CDH4: variants seen among roughly 807,000 people sequenced by gnomAD.
The protein encoded by CDH4 is cadherin 4.
A neutral mutation model predicts 86.0 loss-of-function variants in CDH4; 33 were observed. That is an observed-to-expected ratio of 0.38 (90% CI 0.29 to 0.51). CDH4 has a LOEUF of 0.51. Ranked by LOEUF, CDH4 falls within the 20% of genes least tolerant of loss-of-function variation. The pLI is 0.86. For synonymous variants in CDH4, 555 were observed against 549.4 expected (o/e 1.01, Z -0.14); for missense variants, 1,114 against 1,307.4 (o/e 0.85, Z 2.28).
At chr20:61,922,121 T>C (rs1045400377) in intron 9 of CDH4, among the ~76,000 whole-genome samples, 3 of 152,238 alleles carry the variant, frequency 2.0e-5, no homozygotes, top group Non-Finnish European at 4.4e-5. Flanking sequence ...TGATGGATGT[T>C]TGGGTCATTT....
chr20:61,933,287 G>A (rs1456191449), intron 14 of CDH4, among the ~76,000 whole-genome samples, 163 bp downstream of exon 14: 2 of 152,248 alleles, frequency 1.3e-5, no homozygotes, highest in African/African-American at 4.8e-5. Context: ...GGGCTGAGCT[G>A]TGTACACTGC....
chr20:61,492,711 C>G (rs2085635302), intron 2 of CDH4, among the ~76,000 whole-genome samples: 1 of 151,932 alleles, frequency 6.6e-6, no homozygotes, highest in Admixed American at 6.6e-5. Context: ...GGGGTGGGGG[C>G]CAGGCATATA....
chr20:61,770,582 G>A (rs575100833), intron 3 of CDH4, among the ~76,000 whole-genome samples: 65 of 152,216 alleles, frequency 4.3e-4, no homozygotes, highest in Non-Finnish European at 7.2e-4. Flanking sequence ...GCACTATCAC[G>A]TTTAGGAAAC....
intron 2 of CDH4, among the ~76,000 whole-genome samples, chr20:61,290,931 GC>G (rs371634760): frequency 3.7e-4 from 57 of 152,300 alleles, no homozygotes; most frequent in African/African-American, 1.4e-3. Context: ...GTTATCAAGA[GC>G]CTGTATCTTT....
intron 2 of CDH4, among the ~76,000 whole-genome samples, chr20:61,660,335 A>T (rs1233431469): frequency 6.6e-6 from 1 of 152,238 alleles, no homozygotes; most frequent in Non-Finnish European, 1.5e-5. Context: ...AGAGTGTTTA[A>T]TAACTATAAT....
intron 2 of CDH4, among the ~76,000 whole-genome samples, chr20:61,395,755 G>A (rs145143240): frequency 2.5e-3 from 376 of 152,276 alleles, no homozygotes; most frequent in African/African-American, 8.7e-3. Flanking sequence ...ATTCCAGCCC[G>A]GGAAACAGGG....
At chr20:61,485,798 G>C (rs1489501518) in intron 2 of CDH4, among the ~76,000 whole-genome samples, 1 of 152,232 alleles carries the variant, frequency 6.6e-6, no homozygotes, top group Non-Finnish European at 1.5e-5. Flanking sequence ...GTTTCTCTCA[G>C]CACTTGCCCC....
intron 2 of CDH4, among the ~76,000 whole-genome samples, chr20:61,444,895 A>T (rs2145538821): frequency 7.0e-6 from 1 of 142,178 alleles, no homozygotes; most frequent in East Asian, 2.2e-4. Flanking sequence ...GTCTGTGTAT[A>T]TTTGTGTGTC....
At chr20:61,832,865 C>T (rs897342605) in intron 4 of CDH4, among the ~76,000 whole-genome samples, 2 of 152,148 alleles carry the variant, frequency 1.3e-5, no homozygotes, top group African/African-American at 4.8e-5. Context: ...ACTGGTTCTA[C>T]GACCTCTTAT....
chr20:61,773,020 G>A lies in CDH4; in HGVS notation c.414G>A (p.Lys138=), dbSNP rs140797860. Residue 138 remains lysine, a synonymous_variant, in exon 4 of 16, where the codon AAG becomes AAA. Coordinates refer to ENST00000614565, the MANE Select transcript of CDH4 (RefSeq NM_001794.5). Reference sequence around the variant, plus strand: ...AAATAAAGCCGCAGAAAGGAAAGAAGGTCGTGGCTCTGGACCCCTCTCCGC... The same window carrying A: ...AAATAAAGCCGCAGAAAGGAAAGAAAGTCGTGGCTCTGGACCCCTCTCCGC... ...HSGHKPQKGK[K]VVALDPSPPP... 1 of 1,610,102 alleles carries A rather than the reference G, an allele frequency of 6.2e-7. No homozygotes were observed. Among genetic ancestry groups the A allele is most frequent in the Admixed American group, 1.7e-5 (1 of 59,674 alleles).
intron 2 of CDH4, among the ~76,000 whole-genome samples, chr20:61,477,350 C>G: frequency 6.6e-6 from 1 of 152,138 alleles, no homozygotes; most frequent in East Asian, 1.9e-4. Flanking sequence ...GGCGTGGAAA[C>G]GAGTGAGGAA....
At chr20:61,589,692 G>A (rs575896153) in intron 2 of CDH4, among the ~76,000 whole-genome samples, 182 of 152,082 alleles carry the variant, frequency 1.2e-3, no homozygotes, top group African/African-American at 4.3e-3. Context: ...GTGCCATGCT[G>A]GTGTGCTGCA....
intron 4 of CDH4, among the ~76,000 whole-genome samples, chr20:61,842,623 A>T (rs1982229476): frequency 6.6e-6 from 1 of 152,246 alleles, no homozygotes; most frequent in African/African-American, 2.4e-5. Context: ...AAACGCTTTA[A>T]AACAAATCTT....
chr20:61,578,193 T>G (rs1018147113), intron 2 of CDH4, among the ~76,000 whole-genome samples: 1 of 152,206 alleles, frequency 6.6e-6, no homozygotes, highest in Non-Finnish European at 1.5e-5. Flanking sequence ...GATCCACCCC[T>G]GTTGGTGAAG....
intron 2 of CDH4, among the ~76,000 whole-genome samples, chr20:61,461,755 A>G (rs559338825): frequency 2.6e-5 from 4 of 152,316 alleles, no homozygotes; most frequent in East Asian, 3.9e-4. Context: ...ATTGTCCCCA[A>G]CGGAGACGCA....
chr20:61,840,539 T>C (rs1168747979), intron 4 of CDH4, among the ~76,000 whole-genome samples: 1 of 152,256 alleles, frequency 6.6e-6, no homozygotes, highest in Non-Finnish European at 1.5e-5. Context: ...GTTATTTTAA[T>C]GTAGACATCA....
At chr20:61,594,502 G>T (rs2086541603) in intron 2 of CDH4, among the ~76,000 whole-genome samples, 1 of 152,194 alleles carries the variant, frequency 6.6e-6, no homozygotes, top group Non-Finnish European at 1.5e-5. Context: ...AGCAGCCGGG[G>T]TTTCCAAAAC....
chr20:61,875,143 C>T (rs572071565), intron 7 of CDH4, among the ~76,000 whole-genome samples: 3 of 152,300 alleles, frequency 2.0e-5, no homozygotes, highest in African/African-American at 7.2e-5. Flanking sequence ...GTTTCTGCCT[C>T]TTCTCCAAAA....
At chr20:61,694,394 A>T (rs1196788598) in intron 2 of CDH4, among the ~76,000 whole-genome samples, 2 of 152,186 alleles carry the variant, frequency 1.3e-5, no homozygotes, top group African/African-American at 4.8e-5. Context: ...GAGGCGGAGG[A>T]GAAAATCACT....
Sources: gnomAD v4.1 joint callset for allele counts (sites outside exome capture counted in the v4.1 genomes callset) on GRCh38, gnomAD v4.1.1 for gene constraint, MANE v1.5 for transcripts, NCBI Gene and HGNC (gene_info 2026-07-23, HGNC 2026-07-21) for gene names.